TUBGCP3: variants seen among roughly 807,000 people sequenced by gnomAD.
TUBGCP3 encodes tubulin gamma complex component 3.
A neutral mutation model predicts 123.1 loss-of-function variants in TUBGCP3; 50 were observed. That is an observed-to-expected ratio of 0.41 (90% CI 0.32 to 0.51). TUBGCP3 has a LOEUF of 0.51. TUBGCP3 is among the 20% of genes least tolerant of loss of function. TUBGCP3 has a pLI of 0.36. For missense variants in TUBGCP3, 882 were observed against 1,127.0 expected, an observed-to-expected ratio of 0.78 and a Z score of 3.11; for synonymous variants, 405 against 413.9, an observed-to-expected ratio of 0.98 and a Z score of 0.26.
intron 2 of TUBGCP3, 44 bp downstream of exon 2, chr13:112,569,107 AC>A (rs1881205604): frequency 6.4e-7 from 1 of 1,567,994 alleles, no homozygotes. Context: ...TTAAGCTCTG[AC>A]GAGTTTAAGA....
intron 11 of TUBGCP3, among the ~76,000 whole-genome samples, chr13:112,539,493 C>T (rs1216288957): frequency 6.6e-6 from 1 of 152,190 alleles, no homozygotes; most frequent in Non-Finnish European, 1.5e-5. Context: ...ATTTTAGCTC[C>T]ATCAATCACA....
intron 17 of TUBGCP3, 112 bp from the exon 18 acceptor site, chr13:112,504,826 A>T: frequency 8.2e-6 from 7 of 850,278 alleles, no homozygotes; most frequent in South Asian, 4.7e-5. Flanking sequence ...CAGTCATTTA[A>T]ATTCTTGACC....
intron 20 of TUBGCP3, among the ~76,000 whole-genome samples, chr13:112,498,031 T>C (rs899336915): frequency 1.3e-5 from 2 of 151,420 alleles, no homozygotes; most frequent in African/African-American, 4.8e-5. Flanking sequence ...CATATACATG[T>C]ACACACACAC....
At chr13:112,502,964 C>T (rs939272695) in intron 19 of TUBGCP3, among the ~76,000 whole-genome samples, 1 of 152,134 alleles carries the variant, frequency 6.6e-6, no homozygotes. Flanking sequence ...TTGATCTTAA[C>T]CATTTTTTGA....
chr13:112,517,615 G>A (rs1019002566), intron 16 of TUBGCP3, among the ~76,000 whole-genome samples: 2 of 152,190 alleles, frequency 1.3e-5, no homozygotes, highest in African/African-American at 2.4e-5. Flanking sequence ...TGTTAAGGCC[G>A]GGCACGGTGG....
At chr13:112,558,122 A>G (rs923896288) in intron 5 of TUBGCP3, 74 bp downstream of exon 5, 5 of 1,478,786 alleles carry the variant, frequency 3.4e-6, no homozygotes, top group African/African-American at 1.4e-5. Flanking sequence ...GTGAACATCA[A>G]TGTCTGGTTA....
chr13:112,551,076 G>A (rs915109097), intron 8 of TUBGCP3, among the ~76,000 whole-genome samples: 7 of 152,162 alleles, frequency 4.6e-5, no homozygotes, highest in African/African-American at 1.2e-4. Flanking sequence ...TCCAGCCTGG[G>A]TGACAGAGCG....
At chr13:112,537,329 C>T (rs1352337981) in intron 11 of TUBGCP3, among the ~76,000 whole-genome samples, 2 of 152,022 alleles carry the variant, frequency 1.3e-5, no homozygotes, top group African/African-American at 4.8e-5. Context: ...ATGTTCCTTT[C>T]TATTCCAAGT....
intron 14 of TUBGCP3, among the ~76,000 whole-genome samples, chr13:112,520,985 T>C (rs902112634): frequency 6.6e-6 from 1 of 152,220 alleles, no homozygotes; most frequent in Non-Finnish European, 1.5e-5. Context: ...TTTCATTTTA[T>C]AGCACGCATG....
Position 112,527,096 on chromosome 13 carries a change from C to T in TUBGCP3, c.1447-46G>A, listed in dbSNP as rs544497000. ...TGATTACTTTTATGTAAATTTAAAA[C>T]GACTGCCCAAATCTACAAATATTCG... On this transcript the variant is annotated intron_variant, in intron 12 of 21. Coordinates refer to ENST00000261965, the MANE Select transcript of TUBGCP3 (RefSeq NM_006322.6). 91 of 1,489,066 alleles carry T rather than the reference C, an allele frequency of 6.1e-5. 2 individuals carry two copies. In the South Asian group the frequency reaches 9.0e-4, roughly 15 times the overall value. 92.2% of individuals were successfully genotyped at this position (1,489,066 alleles called of 1,614,324 possible).
intron 11 of TUBGCP3, among the ~76,000 whole-genome samples, chr13:112,533,542 T>C (rs554976260): frequency 4.9e-4 from 74 of 151,710 alleles, no homozygotes; most frequent in Non-Finnish European, 8.5e-4. Context: ...CTCACTAACC[T>C]CTATCTGAAA....
chr13:112,497,647 G>C (rs1292677804), intron 20 of TUBGCP3, among the ~76,000 whole-genome samples: 1 of 152,200 alleles, frequency 6.6e-6, no homozygotes, highest in Non-Finnish European at 1.5e-5. Flanking sequence ...ACATCGCTGA[G>C]TGCCTTACAG....
At chr13:112,500,368 G>A (rs1303203679) in intron 19 of TUBGCP3, among the ~76,000 whole-genome samples, 2 of 152,148 alleles carry the variant, frequency 1.3e-5, no homozygotes, top group African/African-American at 4.8e-5. Context: ...TTAACGTCAG[G>A]AATAAGACTG....
intron 13 of TUBGCP3, 33 bp downstream of exon 13, chr13:112,526,909 G>A: frequency 6.8e-7 from 1 of 1,460,096 alleles, no homozygotes; most frequent in Non-Finnish European, 9.6e-7. Context: ...TCACACCATT[G>A]CCATCATCAC....
intron 20 of TUBGCP3, among the ~76,000 whole-genome samples, chr13:112,493,083 T>A (rs1880232650): frequency 6.7e-6 from 1 of 148,850 alleles, no homozygotes; most frequent in African/African-American, 2.5e-5. Flanking sequence ...TGAGACGCTC[T>A]GGCTTTGGGA....
chr13:112,555,736 G>A (rs1023823898), intron 6 of TUBGCP3, among the ~76,000 whole-genome samples: 3 of 152,086 alleles, frequency 2.0e-5, no homozygotes, highest in Admixed American at 6.6e-5. Flanking sequence ...ACTTTCCCAG[G>A]GAAACGGCAG....
At chr13:112,504,543 T>C in intron 18 of TUBGCP3, 83 bp downstream of exon 18, 1 of 941,656 alleles carries the variant, frequency 1.1e-6, no homozygotes, top group Non-Finnish European at 1.6e-6. Context: ...CACACATACA[T>C]ACACATATAT....
intron 5 of TUBGCP3, 41 bp from the exon 6 acceptor site, chr13:112,556,265 G>A (rs747453143): frequency 5.7e-6 from 9 of 1,572,970 alleles, no homozygotes; most frequent in African/African-American, 2.7e-5. Context: ...TAGGCTATTC[G>A]CTGAAGAGAC....
intron 17 of TUBGCP3, among the ~76,000 whole-genome samples, chr13:112,510,327 G>GTT (rs530255620): frequency 6.6e-6 from 1 of 151,790 alleles, no homozygotes; most frequent in Non-Finnish European, 1.5e-5. Context: ...CATGATATTT[G>GTT]TTTTTTTTAG....
Sources: gnomAD v4.1 joint callset for allele counts (sites outside exome capture counted in the v4.1 genomes callset) on GRCh38, gnomAD v4.1.1 for gene constraint, MANE v1.5 for transcripts, NCBI Gene and HGNC (gene_info 2026-07-23, HGNC 2026-07-21) for gene names.